BDP1: variants seen among roughly 807,000 people sequenced by gnomAD.
The protein encoded by BDP1 is transcription factor TFIIIB component B'' homolog.
A neutral mutation model predicts 266.6 loss-of-function variants in BDP1; 169 were observed. The observed-to-expected ratio is 0.63, with a 90% CI of 0.56 to 0.72. The LOEUF is 0.72. BDP1 is among the 30% of genes least tolerant of loss of function. BDP1 has a pLI of 0.00. For missense variants in BDP1, 3,015 were observed against 3,053.8 expected (o/e 0.99, Z 0.30); for synonymous variants, 1,090 against 1,022.4 (o/e 1.07, Z -1.26).
intron 4 of BDP1, 121 bp from the exon 5 acceptor site, chr5:71,465,975 G>A: frequency 2.9e-6 from 3 of 1,049,450 alleles, no homozygotes; most frequent in Non-Finnish European, 4.1e-6. Flanking sequence ...TTTTCATTTG[G>A]ATTATAGGGA....
At chr5:71,557,830 C>G (rs1161337649) in intron 36 of BDP1, among the ~76,000 whole-genome samples, 1 of 152,100 alleles carries the variant, frequency 6.6e-6, no homozygotes, top group Non-Finnish European at 1.5e-5. Context: ...GAGCCACCAC[C>G]TGTGGCCTAT....
At chr5:71,528,253 G>C (rs1766033908) in intron 25 of BDP1, among the ~76,000 whole-genome samples, 1 of 152,176 alleles carries the variant, frequency 6.6e-6, no homozygotes, top group Non-Finnish European at 1.5e-5. Flanking sequence ...ACCAGTCGTA[G>C]CTATGTTGTA....
intron 9 of BDP1, among the ~76,000 whole-genome samples, chr5:71,489,086 G>A (rs927457940): frequency 6.6e-6 from 1 of 152,124 alleles, no homozygotes; most frequent in Admixed American, 6.6e-5. Flanking sequence ...GTAAGTCAAG[G>A]AGCATCTCTA....
chr5:71,493,883 G>GA (rs1763734691), intron 11 of BDP1, among the ~76,000 whole-genome samples: 1 of 152,174 alleles, frequency 6.6e-6, no homozygotes. Flanking sequence ...GCTGAGATTT[G>GA]AAAAACATAA....
intron 9 of BDP1, among the ~76,000 whole-genome samples, chr5:71,489,123 A>T (rs1243560875): frequency 6.6e-6 from 1 of 152,206 alleles, no homozygotes; most frequent in African/African-American, 2.4e-5. Context: ...TTTAATAAAA[A>T]TGAGATTTTA....
intron 7 of BDP1, among the ~76,000 whole-genome samples, chr5:71,478,938 C>G (rs1310532171): frequency 6.6e-6 from 1 of 152,124 alleles, no homozygotes; most frequent in Non-Finnish European, 1.5e-5. Flanking sequence ...AGTTCACTGA[C>G]TCTGTCTTTT....
Position 71,511,144 on chromosome 5 carries a change from A to G in BDP1, c.4052A>G (p.Asp1351Gly). The change falls in exon 17 of 39, where the codon GAT becomes GGT. Residue 1351 changes from aspartate (D) to glycine (G), a missense_variant. Coordinates refer to ENST00000358731, the MANE Select transcript of BDP1 (RefSeq NM_018429.3). The stretch of plus-strand genomic sequence containing the variant: ...GACTTCAGTGCTGTGCCTTCACTAG[A>G]TATTCAGGTATGTATTTTTCTGTCC... ...SNDFSAVPSL[D>G]IQNISSEVLS... 1 of 1,600,850 alleles carries G rather than the reference A, an allele frequency of 6.2e-7. No homozygotes were observed. The highest frequency in any genetic ancestry group is 8.5e-7 in the Non-Finnish European group (1 of 1,176,484).
At chr5:71,501,830 T>C (rs769081374) in intron 14 of BDP1, among the ~76,000 whole-genome samples, 177 bp downstream of exon 14, 1 of 152,200 alleles carries the variant, frequency 6.6e-6, no homozygotes, top group African/African-American at 2.4e-5. Flanking sequence ...CTGCTTGATA[T>C]TGCTTATATA....
chr5:71,462,842 T>G (rs927842283), intron 3 of BDP1, among the ~76,000 whole-genome samples: 2 of 152,038 alleles, frequency 1.3e-5, no homozygotes, highest in African/African-American at 4.8e-5. Flanking sequence ...TAATCAAGAT[T>G]GCAATTTTGG....
intron 34 of BDP1, among the ~76,000 whole-genome samples, chr5:71,552,066 G>A (rs1336012170): frequency 6.6e-6 from 1 of 151,486 alleles, no homozygotes; most frequent in Non-Finnish European, 1.5e-5. Flanking sequence ...TCCCAGACGG[G>A]GTGGCTGCCG....
chr5:71,545,194 G>T lies in BDP1; in HGVS notation c.6719G>T (p.Ser2240Ile). ...EPQIKDSKGDSVLTLPVPEYT... is the reference protein window; with the variant it reads ...EPQIKDSKGDIVLTLPVPEYT... ...CAGATAAAGGACTCTAAAGGAGACA[G>T]TGTGCTTACACTTCCTGTGCCAGAG... Residue 2240 changes from serine (S) to isoleucine (I), a missense_variant, in exon 32 of 39, where the codon AGT (serine) becomes ATT (isoleucine). Transcript: ENST00000358731. 1 of 1,613,712 alleles carries T rather than the reference G, an allele frequency of 6.2e-7. No individual in the cohort carries two copies. Among genetic ancestry groups the T allele is most frequent in the Non-Finnish European group, 8.5e-7 (1 of 1,179,950 alleles).
At chr5:71,534,883 C>T (rs1328818222) in intron 26 of BDP1, among the ~76,000 whole-genome samples, 1 of 152,036 alleles carries the variant, frequency 6.6e-6, no homozygotes, top group Non-Finnish European at 1.5e-5. Context: ...TCAGGTGATC[C>T]ACCCGCCTCT....
chr5:71,537,174 A>G (rs1263404708), intron 26 of BDP1, among the ~76,000 whole-genome samples: 1 of 128,996 alleles, frequency 7.8e-6, no homozygotes, highest in East Asian at 2.2e-4. Context: ...AAAAAAAAAG[A>G]ACCAGAACCA....
Position 71,562,443 on chromosome 5 carries a change from C to T in BDP1, c.7666C>T (p.Arg2556Ter), listed in dbSNP as rs746088956. Reference sequence around the variant, plus strand: ...ATTCAATGAAAGCCAGGAAAAAAATCGAGAGTCCTCTGATCTGCTTCCATC... The same window carrying T: ...ATTCAATGAAAGCCAGGAAAAAAATTGAGAGTCCTCTGATCTGCTTCCATC... ...NPFNESQEKN[R>*]ESSDLLPSPS... The change falls in exon 38 of 39, where the codon CGA (arginine) becomes TGA (stop). Residue 2556 changes from arginine (R) to a stop codon, truncating the protein, a stop_gained. Coordinates refer to ENST00000358731, the MANE Select transcript of BDP1 (RefSeq NM_018429.3). LOFTEE classifies it high-confidence loss of function. 8.1e-6 allele frequency: 13 copies of T among 1,613,756 alleles called. No homozygotes were observed. Among genetic ancestry groups the T allele is most frequent in the African/African-American group, 1.3e-5 (1 of 75,008 alleles).
At chr5:71,522,173 A>G (rs1324624363) in intron 22 of BDP1, 116 bp from the exon 23 acceptor site, 6 of 761,030 alleles carry the variant, frequency 7.9e-6, no homozygotes, top group Non-Finnish European at 1.3e-5. Context: ...GCCAATTTAT[A>G]TATAGTCCTT....
chr5:71,513,288 A>AG lies in BDP1; in HGVS notation c.4351_4352insG (p.Lys1451ArgfsTer13), dbSNP rs1381606060. 1 of 1,613,280 alleles carries AG rather than the reference A, an allele frequency of 6.2e-7. No individual in the cohort carries two copies. Among genetic ancestry groups the AG allele is most frequent in the Non-Finnish European group, 8.5e-7 (1 of 1,179,568 alleles). On this transcript the variant is annotated frameshift_variant, in exon 19 of 39. Transcript: ENST00000358731. LOFTEE classifies it high-confidence loss of function. The stretch of plus-strand genomic sequence containing the variant: ...ACCAAACTTAGCAAGAGCAGCTTTG[A>AG]AGAGAGAGACTACAGAATCAGAAAA...
chr5:71,518,455 T>C (rs1765333146), intron 22 of BDP1, among the ~76,000 whole-genome samples: 1 of 152,154 alleles, frequency 6.6e-6, no homozygotes, highest in African/African-American at 2.4e-5. Flanking sequence ...CTTTTTATTA[T>C]ATTTACTTTT....
At position 71,560,167 on chromosome 5, in the gene BDP1, A is replaced by T; in HGVS notation, c.7426A>T (p.Arg2476Ter). ...AATGATTGTGTCTGATAAGGAAGAA[A>T]GAACTGATGCTGCTCCTAAGTCTCA... ...DEMIVSDKEE[R>*]TDAAPKSQQM... is the part of the protein sequence containing the mutation. The change falls in exon 37 of 39, where the codon AGA becomes TGA. Residue 2476 changes from arginine (R) to a stop codon, truncating the protein, a stop_gained. Coordinates refer to ENST00000358731, the MANE Select transcript of BDP1 (RefSeq NM_018429.3). LOFTEE classifies it high-confidence loss of function. 1 of 1,614,164 alleles carries T rather than the reference A, an allele frequency of 6.2e-7. No homozygotes were observed. Among genetic ancestry groups the T allele is most frequent in the Non-Finnish European group, 8.5e-7 (1 of 1,180,018 alleles).
At position 71,513,228 on chromosome 5, in the gene BDP1, G is replaced by A. The variant is rs368067959; in HGVS notation, c.4291G>A (p.Ala1431Thr). Reference sequence around the variant, plus strand: ...ACAGAAGCCACTTGAAATTAAACCAGCACCTTTTGTGAGGAGCCGATTCAA... The same window carrying A: ...ACAGAAGCCACTTGAAATTAAACCAACACCTTTTGTGAGGAGCCGATTCAA... ...QEQKPLEIKP[A>T]PFVRSRFKRP... is the part of the protein sequence containing the mutation. The change falls in exon 19 of 39, where the codon GCA (alanine) becomes ACA (threonine). Residue 1431 changes from alanine (A) to threonine (T), a missense_variant. Physicochemically the swap from Ala to Thr is moderately conservative, Grantham distance 58. This residue lies in a region of BDP1 where 2,383 missense variants were observed against 2,404.9 expected (regional missense o/e 0.99). Coordinates refer to ENST00000358731, the MANE Select transcript of BDP1 (RefSeq NM_018429.3). 2.1e-5 allele frequency: 34 copies of A among 1,613,598 alleles called. No individual in the cohort carries two copies. The highest frequency in any genetic ancestry group is 2.9e-5 in the Non-Finnish European group (34 of 1,179,996).
Sources: allele counts gnomAD v4.1 joint callset (sites outside exome capture counted in the v4.1 genomes callset), GRCh38; gene constraint gnomAD v4.1.1; regional missense constraint gnomAD v4.1.1; transcripts MANE v1.5; gene names NCBI Gene and HGNC (gene_info 2026-07-23, HGNC 2026-07-21).